Variants in MAML3 observed in about 807,000 individuals in gnomAD.
MAML3 encodes mastermind like transcriptional coactivator 3, also known as mastermind-like protein 3.
MAML3 carries 27 observed loss-of-function variants against 101.9 expected under a neutral mutation model. That is an observed-to-expected ratio of 0.27 (90% CI 0.20 to 0.37). The LOEUF is 0.37. MAML3 is among the 10% of genes least tolerant of loss of function. The pLI is 1.00. For synonymous variants in MAML3, 501 were observed against 555.9 expected, an observed-to-expected ratio of 0.90 and a Z score of 1.39; for missense variants, 1,316 against 1,444.9, an observed-to-expected ratio of 0.91 and a Z score of 1.45.
intron 1 of MAML3, among the ~76,000 whole-genome samples, chr4:140,142,043 CAATA>C (rs1728987273): frequency 6.6e-6 from 1 of 151,992 alleles, no homozygotes. Context: ...AAGTATCAAT[CAATA>C]GAGAATCATT....
intron 1 of MAML3, among the ~76,000 whole-genome samples, chr4:140,010,420 T>C (rs766072912): frequency 1.3e-5 from 2 of 152,264 alleles, no homozygotes; most frequent in East Asian, 1.9e-4. Context: ...AAAGTGAATA[T>C]GTAACTATAT....
chr4:140,118,863 T>C (rs1728556437), intron 1 of MAML3, among the ~76,000 whole-genome samples: 1 of 152,190 alleles, frequency 6.6e-6, no homozygotes, highest in Non-Finnish European at 1.5e-5. Context: ...GATTAGATTC[T>C]GTTCACCTCC....
chr4:140,004,355 A>C (rs1237899771), intron 1 of MAML3, among the ~76,000 whole-genome samples: 1 of 152,102 alleles, frequency 6.6e-6, no homozygotes, highest in Non-Finnish European at 1.5e-5. Flanking sequence ...TTTTAACTAA[A>C]AGCTGTTACT....
chr4:140,099,503 A>G (rs1200334757), intron 1 of MAML3, among the ~76,000 whole-genome samples: 2 of 152,102 alleles, frequency 1.3e-5, no homozygotes, highest in Admixed American at 6.6e-5. Flanking sequence ...GGTTCCAGCA[A>G]TCCTCCCGCC....
chr4:139,777,740 C>T (rs1730118538), intron 2 of MAML3, among the ~76,000 whole-genome samples: 1 of 152,230 alleles, frequency 6.6e-6, no homozygotes, highest in African/African-American at 2.4e-5. Flanking sequence ...GCCTGCTTAA[C>T]ACTATTCAAA....
intron 2 of MAML3, among the ~76,000 whole-genome samples, chr4:139,778,994 A>AG (rs1560791754): frequency 1.3e-5 from 2 of 151,796 alleles, no homozygotes; most frequent in African/African-American, 4.8e-5. Context: ...AAAAAAAAAA[A>AG]AAAAAGAAAA....
At chr4:140,077,003 G>C (rs1200320007) in intron 1 of MAML3, among the ~76,000 whole-genome samples, 1 of 152,018 alleles carries the variant, frequency 6.6e-6, no homozygotes, top group African/African-American at 2.4e-5. Context: ...AATTCACTCT[G>C]CCTCAGCCTC....
intron 2 of MAML3, among the ~76,000 whole-genome samples, chr4:139,809,874 A>ACG (rs932646312): frequency 1.2e-4 from 18 of 151,668 alleles, no homozygotes; most frequent in African/African-American, 4.4e-4. Context: ...GTACACACAC[A>ACG]CACACACACA....
chr4:139,931,002 G>A (rs1733382701), intron 1 of MAML3, among the ~76,000 whole-genome samples: 1 of 152,110 alleles, frequency 6.6e-6, no homozygotes, highest in African/African-American at 2.4e-5. Context: ...ACAGATGTGG[G>A]GGAGAAGAAT....
At chr4:140,056,474 C>T (rs1427130872) in intron 1 of MAML3, among the ~76,000 whole-genome samples, 1 of 151,710 alleles carries the variant, frequency 6.6e-6, no homozygotes, top group Non-Finnish European at 1.5e-5. Context: ...TCTCCTGCCT[C>T]AGCCTTAGTT....
intron 1 of MAML3, among the ~76,000 whole-genome samples, chr4:140,029,049 T>C (rs550130047): frequency 2.6e-5 from 4 of 152,288 alleles, no homozygotes; most frequent in Admixed American, 6.5e-5. Context: ...GCCCCAATTC[T>C]GCAAGGTAAC....
At chr4:139,855,317 T>C (rs1291021808) in intron 2 of MAML3, among the ~76,000 whole-genome samples, 1 of 152,226 alleles carries the variant, frequency 6.6e-6, no homozygotes. Flanking sequence ...ATGAAAAGCA[T>C]TTCATGCAAA....
At chr4:139,772,211 G>T (rs1204013654) in intron 2 of MAML3, among the ~76,000 whole-genome samples, 1 of 102,652 alleles carries the variant, frequency 9.7e-6, no homozygotes, top group African/African-American at 3.8e-5. Flanking sequence ...CTGCACTCCA[G>T]CCTGGGTGAC....
chr4:139,935,330 C>G (rs926304334), intron 1 of MAML3, among the ~76,000 whole-genome samples: 3 of 151,760 alleles, frequency 2.0e-5, no homozygotes, highest in Admixed American at 2.0e-4. Flanking sequence ...TTAATACCCA[C>G]GTTTCAGCAG....
chr4:139,853,828 TA>T (rs879908693), intron 2 of MAML3, among the ~76,000 whole-genome samples: 7 of 151,132 alleles, frequency 4.6e-5, no homozygotes, highest in Admixed American at 3.9e-4. Context: ...ATTTTATTTT[TA>T]TTTTTTTTTT....
At chr4:140,005,136 T>C (rs1510721) in intron 1 of MAML3, among the ~76,000 whole-genome samples, 77,294 of 151,984 alleles carry the variant, frequency 0.51, 20,169 homozygotes, top group East Asian at 0.66. Flanking sequence ...GTTGCTACCC[T>C]TTGTCCTGGT....
At chr4:140,086,916 T>G (rs1727962600) in intron 1 of MAML3, among the ~76,000 whole-genome samples, 1 of 152,048 alleles carries the variant, frequency 6.6e-6, no homozygotes, top group South Asian at 2.1e-4. Flanking sequence ...TCCCAGCACT[T>G]TGGGAGGGTG....
intron 2 of MAML3, among the ~76,000 whole-genome samples, chr4:139,859,295 C>T (rs867377506): frequency 2.0e-5 from 3 of 150,584 alleles, no homozygotes; most frequent in South Asian, 4.2e-4. Flanking sequence ...GGCATGATCA[C>T]GGCTCACTGC....
intron 2 of MAML3, among the ~76,000 whole-genome samples, chr4:139,838,310 T>C (rs1214823662): frequency 1.3e-5 from 2 of 152,212 alleles, no homozygotes; most frequent in African/African-American, 4.8e-5. Context: ...TTAGCTTTAT[T>C]TTGGGGTTTA....
Sources: gnomAD v4.1 joint callset for allele counts (sites outside exome capture counted in the v4.1 genomes callset) on GRCh38, gnomAD v4.1.1 for gene constraint, MANE v1.5 for transcripts, NCBI Gene and HGNC (gene_info 2026-07-23, HGNC 2026-07-21) for gene names.